CDK5RAP2: variants seen among roughly 807,000 people sequenced by gnomAD.
CDK5RAP2 encodes CDK5 regulatory subunit associated protein 2.
Under a neutral mutation model 232.9 loss-of-function variants are expected in CDK5RAP2, and 147 were observed. The observed-to-expected ratio is 0.63, with a 90% CI of 0.55 to 0.72. CDK5RAP2 has a LOEUF of 0.72. Among genes scored for constraint, CDK5RAP2 ranks in the 30% least tolerant of loss-of-function variants. CDK5RAP2 has a pLI of 0.00. For missense variants in CDK5RAP2, 2,195 were observed against 2,231.5 expected (o/e 0.98, Z 0.33); for synonymous variants, 833 against 833.7 (o/e 1.00, Z 0.01).
chr9:120,502,466 A>T (rs1466361263), intron 12 of CDK5RAP2, among the ~76,000 whole-genome samples: 2 of 152,240 alleles, frequency 1.3e-5, no homozygotes, highest in Non-Finnish European at 2.9e-5. Flanking sequence ...TGTATTCAGC[A>T]ACCATTTATT....
chr9:120,505,715 G>A (rs1250624682), intron 12 of CDK5RAP2, among the ~76,000 whole-genome samples: 1 of 152,248 alleles, frequency 6.6e-6, no homozygotes, highest in Non-Finnish European at 1.5e-5. Context: ...GGAGAAAGTT[G>A]TGGTCTGAAT....
At chr9:120,413,777 G>C (rs1439058815) in intron 28 of CDK5RAP2, among the ~76,000 whole-genome samples, 1 of 150,006 alleles carries the variant, frequency 6.7e-6, no homozygotes, top group Non-Finnish European at 1.5e-5. Flanking sequence ...GAGGGTGAGG[G>C]GGGTATATGC....
chr9:120,539,182 G>A lies in CDK5RAP2; in HGVS notation c.384-18C>T, dbSNP rs781374612. 1 of 1,613,530 alleles carries A rather than the reference G, an allele frequency of 6.2e-7. No individual in the cohort carries two copies. Among genetic ancestry groups the A allele is most frequent in the African/African-American group, 1.3e-5 (1 of 74,904 alleles). On this transcript the variant is annotated intron_variant, in intron 5 of 37. Transcript: ENST00000349780. ...CTGCTTTGCTGCAAAAAGAGGCACAGGGGTAAAACATGCAAGGGTGATGGT... is the reference window on the plus strand; with the variant it reads ...CTGCTTTGCTGCAAAAAGAGGCACAAGGGTAAAACATGCAAGGGTGATGGT...
At chr9:120,456,239 A>G (rs1564244270) in intron 20 of CDK5RAP2, among the ~76,000 whole-genome samples, 1 of 152,216 alleles carries the variant, frequency 6.6e-6, no homozygotes, top group Non-Finnish European at 1.5e-5. Context: ...GTCAGCAAAG[A>G]GCAGGGGACA....
chr9:120,437,216 T>A (rs896291593), intron 25 of CDK5RAP2, 79 bp downstream of exon 25: 4 of 987,670 alleles, frequency 4.0e-6, no homozygotes, highest in Non-Finnish European at 6.3e-6. Flanking sequence ...GGCCAAGGAG[T>A]TAGCTCCTCC....
At chr9:120,519,889 C>T (rs1338421137) in intron 11 of CDK5RAP2, among the ~76,000 whole-genome samples, 1 of 151,478 alleles carries the variant, frequency 6.6e-6, no homozygotes, top group Non-Finnish European at 1.5e-5. Context: ...TCATCCACAT[C>T]AGAATGGCTC....
intron 25 of CDK5RAP2, among the ~76,000 whole-genome samples, chr9:120,430,594 T>C (rs2035222190): frequency 6.6e-6 from 1 of 152,088 alleles, no homozygotes; most frequent in South Asian, 2.1e-4. Flanking sequence ...ATGGCAATCA[T>C]TAAAAAGTCA....
chr9:120,558,919 CTT>C lies in CDK5RAP2; in HGVS notation c.196-8019_196-8018del, dbSNP rs1306034298. Among the ~76,000 whole-genome samples the C allele has an allele frequency of 3.3e-5, 5 of 152,324 alleles. No individual in the cohort carries two copies. The South Asian group carries it at 6.2e-4, about 19-fold the overall frequency. On this transcript the variant is annotated intron_variant, in intron 3 of 37. Coordinates refer to ENST00000349780, the MANE Select transcript of CDK5RAP2 (RefSeq NM_018249.6). Reference sequence around the variant, plus strand: ...ATGTTTATTACATGAATATAATCCACTTAATCTTTCATGGCTGTTTCCTCCAA... The same window carrying C: ...ATGTTTATTACATGAATATAATCCACAATCTTTCATGGCTGTTTCCTCCAA...
At chr9:120,496,757 G>T (rs1170498292) in intron 12 of CDK5RAP2, among the ~76,000 whole-genome samples, 28 of 131,164 alleles carry the variant, frequency 2.1e-4, no homozygotes, top group Middle Eastern at 4.2e-3. Flanking sequence ...CCCCCCGCCC[G>T]GCCAGCCGCC....
chr9:120,504,081 G>A (rs946342590), intron 12 of CDK5RAP2, among the ~76,000 whole-genome samples: 59 of 152,154 alleles, frequency 3.9e-4, no homozygotes, highest in African/African-American at 1.4e-3. Flanking sequence ...AACAATAGCA[G>A]AATGGGGAAT....
intron 36 of CDK5RAP2, among the ~76,000 whole-genome samples, chr9:120,390,644 T>C (rs1015168601): frequency 2.6e-5 from 4 of 152,166 alleles, no homozygotes; most frequent in East Asian, 1.9e-4. Context: ...CTGAGCCTGA[T>C]AGGGAATCTG....
At chr9:120,447,219 T>C (rs2036241539) in intron 22 of CDK5RAP2, among the ~76,000 whole-genome samples, 3 of 152,202 alleles carry the variant, frequency 2.0e-5, no homozygotes, top group Admixed American at 2.0e-4. Flanking sequence ...TGATGTAAAA[T>C]GCTACTTATA....
intron 1 of CDK5RAP2, among the ~76,000 whole-genome samples, chr9:120,572,775 G>A (rs2132213679): frequency 6.6e-6 from 1 of 152,300 alleles, no homozygotes; most frequent in East Asian, 1.9e-4. Context: ...AGAGTAACTG[G>A]CAATTAAACA....
Position 120,550,921 on chromosome 9 carries a change from G to T in CDK5RAP2, c.196-19C>A. On this transcript the variant is annotated intron_variant, in intron 3 of 37. Coordinates refer to ENST00000349780, the MANE Select transcript of CDK5RAP2 (RefSeq NM_018249.6). ...TGATTTGCTGAAAAATATCACAGAAGGGTCATCAAAAGCAAACAAAAGACA... is the reference window on the plus strand; with the variant it reads ...TGATTTGCTGAAAAATATCACAGAATGGTCATCAAAAGCAAACAAAAGACA... 6.8e-7 allele frequency: 1 copy of T among 1,463,110 alleles called. No individual in the cohort carries two copies. The highest frequency in any genetic ancestry group is 1.4e-5 in the African/African-American group (1 of 72,086). The allele number at this position is 1,463,110 out of a possible 1,614,324, so 90.6% of individuals were successfully genotyped here. A position where few individuals can be genotyped will look rare whatever the true frequency, so the allele number is the denominator to read the frequency against.
chr9:120,573,037 A>G (rs2042909666), intron 1 of CDK5RAP2, among the ~76,000 whole-genome samples: 1 of 152,174 alleles, frequency 6.6e-6, no homozygotes, highest in Non-Finnish European at 1.5e-5. Context: ...ACTCCCACGA[A>G]TACTTCCCTA....
rs77977953 is a variant in CDK5RAP2 at position 120,509,402 on chromosome 9, G to A, written c.1311+9025C>T. Reference sequence around the variant, plus strand: ...GGATACACTGAGCATCAACTTCTCTGTGCCAGGAACCACGGTAGGCATTTT... The same window carrying A: ...GGATACACTGAGCATCAACTTCTCTATGCCAGGAACCACGGTAGGCATTTT... On this transcript the variant is annotated intron_variant, in intron 12 of 37. Transcript: ENST00000349780. 1.4e-3 allele frequency among the ~76,000 whole-genome samples: 211 copies of A among 152,312 alleles called. 4 individuals carry two copies. The East Asian group carries it at 0.038, about 27-fold the overall frequency.
Position 120,458,630 on chromosome 9 carries a change from T to G in CDK5RAP2, c.2203-8A>C, listed in dbSNP as rs371141302. On this transcript the variant is annotated splice_polypyrimidine_tract_variant and splice_region_variant and intron_variant, in intron 19 of 37. Transcript: ENST00000349780. ...GGAAAGGTCTTTCATAATCTGCAAATAAAAGTATTTGGTCAAATAATGGAA... is the reference window on the plus strand; with the variant it reads ...GGAAAGGTCTTTCATAATCTGCAAAGAAAAGTATTTGGTCAAATAATGGAA... The G allele has an allele frequency of 1.2e-5, 19 of 1,613,548 alleles. No individual in the cohort carries two copies. In the East Asian group the frequency reaches 4.2e-4, roughly 36 times the overall value.
At chr9:120,482,503 A>C (rs2038378222) in intron 14 of CDK5RAP2, among the ~76,000 whole-genome samples, 1 of 152,094 alleles carries the variant, frequency 6.6e-6, no homozygotes, top group Non-Finnish European at 1.5e-5. Context: ...CAGTGCTGTC[A>C]TTTACCACTA....
At chr9:120,547,377 G>T (rs2041886947) in intron 4 of CDK5RAP2, among the ~76,000 whole-genome samples, 1 of 151,966 alleles carries the variant, frequency 6.6e-6, no homozygotes. Context: ...GCTGAGGTGG[G>T]CGGATCACTT....
Sources: gnomAD v4.1 joint callset for allele counts (sites outside exome capture counted in the v4.1 genomes callset) on GRCh38, gnomAD v4.1.1 for gene constraint, MANE v1.5 for transcripts, NCBI Gene and HGNC (gene_info 2026-07-23, HGNC 2026-07-21) for gene names.